APBA2: variants seen among roughly 807,000 people sequenced by gnomAD.
APBA2 encodes amyloid beta precursor protein binding family A member 2.
In APBA2, 30 loss-of-function variants were observed where a neutral mutation model predicts 75.0. That is an observed-to-expected ratio of 0.40 (90% CI 0.30 to 0.54). APBA2 has a LOEUF of 0.54. APBA2 is among the 20% of genes least tolerant of loss of function. The pLI is 0.49. For missense variants in APBA2, 801 were observed against 1,016.1 expected (o/e 0.79, Z 2.88); for synonymous variants, 444 against 409.6 (o/e 1.08, Z -1.01).
Position 29,054,206 on chromosome 15 carries a change from G to A in APBA2, c.322G>A (p.Asp108Asn), listed in dbSNP as rs771125386. ...CTACATCCGCTACTGCCCTGAGGAC[G>A]ACAGCTACCTAGAGGGCATGGACTG... is the stretch of plus-strand genomic sequence containing the variant. ...TYYIRYCPED[D>N]SYLEGMDCNG... Residue 108 changes from aspartate (D) to asparagine (N), a missense_variant, in exon 4 of 15, where the codon GAC becomes AAC. Asp to Asn is a conservative substitution (Grantham distance 23). Around this residue, in one of 2 missense-constraint regions of APBA2, gnomAD observed 434 missense variants for 471.6 expected, o/e 0.92. Coordinates refer to ENST00000683413, the MANE Select transcript of APBA2 (RefSeq NM_001353788.2). This position sits in a 1 kb window ranked among gnomAD's most constrained non-coding sequence, Gnocchi z 6.1. The A allele has an allele frequency of 8.7e-6, 14 of 1,614,060 alleles. No homozygotes were observed. The African/African-American group carries it at 9.3e-5, about 11-fold the overall frequency.
At chr15:29,004,960 G>A (rs947845458) in intron 3 of APBA2, among the ~76,000 whole-genome samples, 3 of 152,188 alleles carry the variant, frequency 2.0e-5, no homozygotes, top group Non-Finnish European at 4.4e-5. Flanking sequence ...GGTTACAGGC[G>A]TGAGCCATCA....
chr15:29,114,938 C>A (rs1347824320), intron 14 of APBA2, among the ~76,000 whole-genome samples: 1 of 148,142 alleles, frequency 6.8e-6, no homozygotes, highest in Non-Finnish European at 1.5e-5. Context: ...TATGTGTGCA[C>A]GGCTGTGGCT....
intron 1 of APBA2, among the ~76,000 whole-genome samples, chr15:28,898,471 C>T (rs1481812506): frequency 1.3e-5 from 2 of 152,132 alleles, no homozygotes; most frequent in African/African-American, 2.4e-5. Flanking sequence ...GAGCAAAAAA[C>T]CCCAGATGCT....
intron 6 of APBA2, among the ~76,000 whole-genome samples, chr15:29,077,372 T>C (rs2042896829): frequency 6.6e-6 from 1 of 152,178 alleles, no homozygotes; most frequent in East Asian, 1.9e-4. Flanking sequence ...CCAGTCACAC[T>C]GCTCCAGTGA....
At position 29,113,835 on chromosome 15, in the gene APBA2, G is replaced by A. The variant is rs775441461; in HGVS notation, c.2038-41G>A. On this transcript the variant is annotated intron_variant, in intron 13 of 14. Coordinates refer to ENST00000683413, the MANE Select transcript of APBA2 (RefSeq NM_001353788.2). ...GGACGTGGTGGAGCGCCTGTCGGGT[G>A]TGGCGGGAACACGTGTGCTGACCTG... The A allele has an allele frequency of 7.0e-6, 11 of 1,562,926 alleles. No homozygotes were observed. In the African/African-American group the frequency reaches 9.4e-5, roughly 13 times the overall value.
At chr15:28,942,044 C>T (rs1400359791) in intron 2 of APBA2, among the ~76,000 whole-genome samples, 1 of 152,228 alleles carries the variant, frequency 6.6e-6, no homozygotes, top group African/African-American at 2.4e-5. Flanking sequence ...CAGGCGTGAG[C>T]CACTGCGCCT....
At chr15:29,087,925 G>A (rs1202043942) in intron 6 of APBA2, among the ~76,000 whole-genome samples, 2 of 152,008 alleles carry the variant, frequency 1.3e-5, no homozygotes, top group Admixed American at 1.3e-4. Flanking sequence ...CCTTTTGCTC[G>A]CCCCTCCACT....
At chr15:29,023,477 A>T (rs2040056904) in intron 3 of APBA2, among the ~76,000 whole-genome samples, 2 of 76,764 alleles carry the variant, frequency 2.6e-5, no homozygotes, top group African/African-American at 4.8e-5. Flanking sequence ...TTTTTTTGAG[A>T]CAGAGTCTTG....
chr15:29,095,241 A>AAC (rs889526964), intron 8 of APBA2, among the ~76,000 whole-genome samples: 70 of 152,286 alleles, frequency 4.6e-4, no homozygotes, highest in African/African-American at 1.6e-3. Context: ...TAGCCTGACC[A>AAC]ACATGGAGAA....
At chr15:29,106,850 T>C in intron 12 of APBA2, 31 bp downstream of exon 12, 7 of 1,593,426 alleles carry the variant, frequency 4.4e-6, no homozygotes, top group Non-Finnish European at 4.3e-6. Flanking sequence ...CGCCCAGGGG[T>C]CACCTCAACC....
intron 3 of APBA2, among the ~76,000 whole-genome samples, chr15:28,999,481 A>G (rs1269284629): frequency 6.6e-6 from 1 of 152,240 alleles, no homozygotes; most frequent in Non-Finnish European, 1.5e-5. Context: ...CCTTGCTCCT[A>G]ATCTGGGAAC....
intron 2 of APBA2, among the ~76,000 whole-genome samples, chr15:28,947,654 C>T (rs2035619984): frequency 6.6e-6 from 1 of 152,178 alleles, no homozygotes; most frequent in Admixed American, 6.5e-5. Context: ...GGCAGCCCCA[C>T]AGCCTCCTGG....
At chr15:29,062,582 G>A (rs894348873) in intron 4 of APBA2, among the ~76,000 whole-genome samples, 1 of 152,150 alleles carries the variant, frequency 6.6e-6, no homozygotes, top group Non-Finnish European at 1.5e-5. Flanking sequence ...GTTATTTTCA[G>A]GGAGCAGTTT....
intron 10 of APBA2, 77 bp from the exon 11 acceptor site, chr15:29,105,302 G>T: frequency 6.8e-7 from 1 of 1,462,394 alleles, no homozygotes. Flanking sequence ...ACCCAGCCCT[G>T]CCGCAGCCCC....
intron 3 of APBA2, among the ~76,000 whole-genome samples, chr15:29,001,709 T>G (rs2038857665): frequency 6.6e-6 from 1 of 152,244 alleles, no homozygotes; most frequent in Non-Finnish European, 1.5e-5. Flanking sequence ...CTTGCAGACT[T>G]GGTGTGTGCT....
intron 3 of APBA2, among the ~76,000 whole-genome samples, chr15:29,022,686 T>C (rs1190656428): frequency 6.6e-6 from 1 of 152,202 alleles, no homozygotes; most frequent in Non-Finnish European, 1.5e-5. Context: ...TCTATGGTTT[T>C]ATATCCTTCA....
intron 2 of APBA2, among the ~76,000 whole-genome samples, chr15:28,992,648 A>G (rs911467235): frequency 4.6e-5 from 7 of 152,134 alleles, no homozygotes. Flanking sequence ...ATTCTGGGCT[A>G]GTCTAGGCAA....
chr15:29,114,615 G>C (rs554172129), intron 14 of APBA2, among the ~76,000 whole-genome samples: 67 of 152,100 alleles, frequency 4.4e-4, no homozygotes, highest in Middle Eastern at 3.4e-3. Flanking sequence ...GTGTGGGTGT[G>C]TGCATGTGGA....
rs779660766 is a variant in APBA2 at position 29,054,070 on chromosome 15, G to A, written c.186G>A (p.Glu62=). 2.5e-5 allele frequency: 40 copies of A among 1,614,052 alleles called. 1 individual carries two copies. The South Asian group carries it at 4.2e-4, about 17-fold the overall frequency. The change falls in exon 4 of 15, where the codon GAG becomes GAA. Residue 62 remains glutamate (E), a synonymous_variant. Transcript: ENST00000683413. The surrounding 1 kb of genome is among the most constrained non-coding windows in gnomAD (Gnocchi z 6.1). ...RPESPAPEEQ[E]CHNHSPDGDS... Reference sequence around the variant, plus strand: ...AGAGCCCCGCGCCAGAGGAACAGGAGTGCCACAACCACAGCCCCGATGGGG... The same window carrying A: ...AGAGCCCCGCGCCAGAGGAACAGGAATGCCACAACCACAGCCCCGATGGGG...
Sources: allele counts gnomAD v4.1 joint callset (sites outside exome capture counted in the v4.1 genomes callset), GRCh38; gene constraint gnomAD v4.1.1; regional missense constraint gnomAD v4.1.1; non-coding constraint Gnocchi (gnomAD v3.1); transcripts MANE v1.5; gene names NCBI Gene and HGNC (gene_info 2026-07-23, HGNC 2026-07-21).